Variants in ROBO2 observed in about 807,000 individuals in gnomAD.
ROBO2 encodes roundabout homolog 2.
In ROBO2, 53 loss-of-function variants were observed where a neutral mutation model predicts 160.8. The observed-to-expected ratio is 0.33, with a 90% CI of 0.26 to 0.41. The LOEUF (loss-of-function observed/expected upper bound fraction) is 0.41. Ranked by LOEUF, ROBO2 falls within the 10% of genes least tolerant of loss-of-function variation. The pLI is 1.00. For missense variants in ROBO2, 1,577 were observed against 1,722.4 expected (o/e 0.92, Z 1.49); for synonymous variants, 664 against 611.7 (o/e 1.09, Z -1.26).
intron 20 of ROBO2, among the ~76,000 whole-genome samples, chr3:77,605,065 C>T (rs922234455): frequency 1.3e-5 from 2 of 151,042 alleles, no homozygotes; most frequent in African/African-American, 4.9e-5. Flanking sequence ...ACTTGAGAGT[C>T]TGGGGTAGAA....
At chr3:76,377,535 C>T (rs1367176660) in intron 2 of ROBO2, among the ~76,000 whole-genome samples, 1 of 152,154 alleles carries the variant, frequency 6.6e-6, no homozygotes, top group Non-Finnish European at 1.5e-5. Flanking sequence ...ATACTGTAGG[C>T]ATTCTCCCAG....
chr3:76,528,876 G>T (rs2082081795), intron 2 of ROBO2, among the ~76,000 whole-genome samples: 1 of 152,092 alleles, frequency 6.6e-6, no homozygotes, highest in South Asian at 2.1e-4. Context: ...AAAATGCAAA[G>T]TGCAGTGTCC....
intron 2 of ROBO2, among the ~76,000 whole-genome samples, chr3:76,754,559 A>G (rs9853982): frequency 0.018 from 2,748 of 152,002 alleles, 69 homozygotes; most frequent in African/African-American, 0.058. Context: ...TATCATAACT[A>G]AGAAAGTCTG....
chr3:77,525,966 A>T (rs981754387), intron 6 of ROBO2, among the ~76,000 whole-genome samples: 3 of 151,414 alleles, frequency 2.0e-5, no homozygotes, highest in African/African-American at 7.3e-5. Flanking sequence ...ATCTGTTAGA[A>T]TAAGCCACAA....
At chr3:76,467,906 A>G (rs187929932) in intron 2 of ROBO2, among the ~76,000 whole-genome samples, 1 of 152,270 alleles carries the variant, frequency 6.6e-6, no homozygotes, top group African/African-American at 2.4e-5. Flanking sequence ...CAGTGGCAAT[A>G]TATTTGAGAT....
intron 23 of ROBO2, chr3:77,630,964 C>G (rs939162201): frequency 1.3e-5 from 2 of 149,476 alleles, no homozygotes; most frequent in Non-Finnish European, 3.0e-5. Context: ...TGATTTTTTT[C>G]TTATCTAGTA....
chr3:77,646,484 T>A (rs2095413522), exon 26 of ROBO2: 1 of 156,060 alleles, frequency 6.4e-6, no homozygotes, highest in Non-Finnish European at 1.4e-5. Context: ...TATGTTTAAA[T>A]TTTGCACTGC....
intron 22 of ROBO2, 108 bp downstream of exon 23, chr3:77,617,881 G>A: frequency 2.4e-6 from 3 of 1,251,280 alleles, no homozygotes; most frequent in Non-Finnish European, 3.4e-6. Context: ...AGGGTTAAAA[G>A]TGATTTTGTA....
At chr3:76,135,009 A>G (rs1374982768) in intron 2 of ROBO2, among the ~76,000 whole-genome samples, 1 of 152,088 alleles carries the variant, frequency 6.6e-6, no homozygotes, top group Non-Finnish European at 1.5e-5. Flanking sequence ...CTTTACTCAC[A>G]GTCATTTAGG....
intron 2 of ROBO2, among the ~76,000 whole-genome samples, chr3:76,914,494 A>G (rs1346029501): frequency 6.6e-6 from 1 of 152,024 alleles, no homozygotes; most frequent in Non-Finnish European, 1.5e-5. Context: ...TGCTACCTAT[A>G]TCTACTGCTG....
At chr3:75,986,811 A>T (rs1420682892) in intron 2 of ROBO2, among the ~76,000 whole-genome samples, 3 of 149,424 alleles carry the variant, frequency 2.0e-5, no homozygotes, top group Admixed American at 6.7e-5. Flanking sequence ...TTTTATTTTT[A>T]TTTTTTTTTA....
chr3:76,035,784 T>C (rs2067086296), intron 2 of ROBO2, among the ~76,000 whole-genome samples: 1 of 151,970 alleles, frequency 6.6e-6, no homozygotes, highest in Admixed American at 6.6e-5. Flanking sequence ...AACAATCTCA[T>C]CAAAAAGTGA....
At chr3:77,130,809 A>G (rs922830876) in intron 2 of ROBO2, among the ~76,000 whole-genome samples, 5 of 152,218 alleles carry the variant, frequency 3.3e-5, no homozygotes, top group Non-Finnish European at 5.9e-5. Context: ...AAAAACTTCA[A>G]AGTAATCGCC....
At chr3:77,143,232 C>CT (rs2076858760) in intron 2 of ROBO2, among the ~76,000 whole-genome samples, 1 of 119,414 alleles carries the variant, frequency 8.4e-6, no homozygotes, top group African/African-American at 3.2e-5. Context: ...GTTGCCCAGG[C>CT]TGGAGTGCAG....
intron 2 of ROBO2, among the ~76,000 whole-genome samples, chr3:76,452,222 A>C (rs927938374): frequency 4.6e-5 from 7 of 152,162 alleles, no homozygotes; most frequent in African/African-American, 1.7e-4. Flanking sequence ...ACATGTGCAC[A>C]ATGTGTAGGT....
chr3:77,407,825 A>T (rs2076375635), intron 2 of ROBO2, among the ~76,000 whole-genome samples: 1 of 152,232 alleles, frequency 6.6e-6, no homozygotes, highest in South Asian at 2.1e-4. Context: ...AAGTATAAAG[A>T]ATGATCAAAC....
At chr3:76,971,557 A>G (rs576410514) in intron 2 of ROBO2, among the ~76,000 whole-genome samples, 5 of 152,296 alleles carry the variant, frequency 3.3e-5, no homozygotes, top group South Asian at 2.1e-4. Flanking sequence ...TCTCTAAAAA[A>G]AAAATAAATA....
At chr3:77,601,366 T>C (rs770514779) in intron 19 of ROBO2, among the ~76,000 whole-genome samples, 12 of 152,186 alleles carry the variant, frequency 7.9e-5, no homozygotes, top group African/African-American at 2.7e-4. Context: ...ATTCACTTAG[T>C]ATCTTTCTTC....
intron 2 of ROBO2, among the ~76,000 whole-genome samples, chr3:76,798,237 G>GAAA (rs1290200446): frequency 1.4e-5 from 1 of 71,820 alleles, no homozygotes; most frequent in East Asian, 4.0e-4. Flanking sequence ...GAGAAAGAAA[G>GAAA]AAAAAAAGAA....
Sources: allele counts gnomAD v4.1 joint callset (sites outside exome capture counted in the v4.1 genomes callset), GRCh38; gene constraint gnomAD v4.1.1; transcripts MANE v1.5; gene names NCBI Gene and HGNC (gene_info 2026-07-23, HGNC 2026-07-21).